The following AHNAK variants were observed in gnomAD, a reference collection of about 807,000 sequenced individuals.
AHNAK encodes the protein AHNAK nucleoprotein.
In AHNAK, 23 loss-of-function variants were observed where a neutral mutation model predicts 37.8. The ratio of observed to expected loss-of-function variants is 0.61; its 90% confidence interval spans 0.44 to 0.86. The LOEUF (loss-of-function observed/expected upper bound fraction) is 0.86. Ranked by LOEUF, AHNAK falls within the 40% of genes least tolerant of loss-of-function variation. AHNAK has a pLI of 0.00. For missense variants in AHNAK, 7,411 were observed against 7,319.4 expected (o/e 1.01, Z -0.46); for synonymous variants, 2,481 against 2,636.3 (o/e 0.94, Z 1.80).
In AHNAK at chr11:62,518,409, G is replaced by A. The variant is rs1940104421; in HGVS notation, c.16008C>T (p.Gly5336=). The A allele has an allele frequency of 1.2e-6, 2 of 1,613,950 alleles. No homozygotes were observed. Among genetic ancestry groups the A allele is most frequent in the African/African-American group, 2.7e-5 (2 of 74,892 alleles). Residue 5336 remains glycine, a synonymous_variant, in exon 5 of 5, where the codon GGC becomes GGT. Coordinates refer to ENST00000378024, the MANE Select transcript of AHNAK (RefSeq NM_001620.3). ...APGLNLSGVG[G]KMQVGGDGVK... ...CACCGTCTCCTCCCACCTGCATTTT[G>A]CCACCGACACCACTGAGGTTGAGCC...
At chr11:62,475,174 G>A (rs1939117624) in intron 5 of AHNAK, among the ~76,000 whole-genome samples, 1 of 152,162 alleles carries the variant, frequency 6.6e-6, no homozygotes, top group Non-Finnish European at 1.5e-5. Flanking sequence ...ATAGTGGCAG[G>A]TGCCTGTAGT....
At chr11:62,534,181 G>C in intron 4 of AHNAK, 107 bp from the exon 5 acceptor site, 1 of 1,266,152 alleles carries the variant, frequency 7.9e-7, no homozygotes, top group Non-Finnish European at 1.1e-6. Flanking sequence ...CAGAGAAGCT[G>C]GGACCAAAAC....
In AHNAK at chr11:62,506,581, CAG is replaced by C. The variant is rs1159284617; in HGVS notation, c.343-14752_343-14751del. On this transcript the variant is annotated intron_variant, in intron 4 of 5. Coordinates refer to the AHNAK transcript ENST00000257247. ...CAGGAGGCTCAGCCCCTCAGGGCCC[CAG>C]CTGGCCAGAGGGTTGTGCCTGGCCT... Among the ~76,000 whole-genome samples, 9 of 152,312 alleles carry C rather than the reference CAG, an allele frequency of 5.9e-5. No individual in the cohort carries two copies. In the East Asian group the frequency reaches 1.7e-3, roughly 29 times the overall value.
chr11:62,528,850 G>C lies in AHNAK; in HGVS notation c.5567C>G (p.Ser1856Cys), dbSNP rs1367860340. The C allele has an allele frequency of 1.2e-6, 2 of 1,613,140 alleles. No homozygotes were observed. Among genetic ancestry groups the C allele is most frequent in the Admixed American group, 3.3e-5 (2 of 59,750 alleles). The change falls in exon 5 of 5, where the codon TCC becomes TGC. Residue 1856 changes from serine (S) to cysteine (C), a missense_variant. Physicochemically the swap from Ser to Cys is moderately radical, Grantham distance 112. Coordinates refer to ENST00000378024, the MANE Select transcript of AHNAK (RefSeq NM_001620.3). ...CAGGTGTAAGTCCACATCAGGCATG[G>C]AGATCTTGGGGGCCTTGAAGTGCAT... ...PEMHFKAPKI[S>C]MPDVDLHLKG...
At chr11:62,510,173 C>T (rs1939883748) in intron 4 of AHNAK, among the ~76,000 whole-genome samples, 1 of 151,680 alleles carries the variant, frequency 6.6e-6, no homozygotes, top group African/African-American at 2.4e-5. Context: ...GATTCTCCTG[C>T]CTCAGCCTCC....
At position 62,478,443 on chromosome 11, in the gene AHNAK, G is replaced by A. The variant is rs192869451; in HGVS notation, c.442+13289C>T. Among the ~76,000 whole-genome samples the A allele has an allele frequency of 4.0e-4, 61 of 152,060 alleles. 1 individual carries two copies. The East Asian group carries it at 0.011, about 28-fold the overall frequency. ...GCCCCTAGCAATGCCTAGAAAACAG[G>A]ACAGGGTGCCGGGTGCCGGTGGCTC... On this transcript the variant is annotated intron_variant, in intron 5 of 5. Coordinates refer to the AHNAK transcript ENST00000257247.
chr11:62,500,535 G>C (rs368897823), intron 4 of AHNAK, among the ~76,000 whole-genome samples: 16 of 152,184 alleles, frequency 1.1e-4, no homozygotes, highest in East Asian at 3.8e-4. Flanking sequence ...GTCCCTCAGA[G>C]AGCCCGATGA....
chr11:62,513,324 CAGG>C (rs1013957356), downstream of AHNAK, among the ~76,000 whole-genome samples: 2 of 152,304 alleles, frequency 1.3e-5, no homozygotes, highest in African/African-American at 4.8e-5. Flanking sequence ...ATCACGAGGT[CAGG>C]AGTTCGAGAC....
At position 62,516,677 on chromosome 11, in the gene AHNAK, A is replaced by G; in HGVS notation, c.*67T>C. The G allele has an allele frequency of 6.6e-7, 1 of 1,520,398 alleles. No individual in the cohort carries two copies. Among genetic ancestry groups the G allele is most frequent in the Non-Finnish European group, 8.8e-7 (1 of 1,139,820 alleles). The allele number at this position is 1,520,398 out of a possible 1,614,324, so 94.2% of individuals were successfully genotyped here. Reference sequence around the variant, plus strand: ...GTGTGTTTCCCTTTGGAGTTTATATAGGAACACACCACCCAAGGCTGATGT... The same window carrying G: ...GTGTGTTTCCCTTTGGAGTTTATATGGGAACACACCACCCAAGGCTGATGT... On this transcript the variant is annotated 3_prime_UTR_variant, in exon 5 of 5. Transcript: ENST00000378024.
chr11:62,437,050 C>T (rs192027729), intron 5 of AHNAK, among the ~76,000 whole-genome samples: 2 of 152,154 alleles, frequency 1.3e-5, no homozygotes, highest in Non-Finnish European at 2.9e-5. Flanking sequence ...CACTCCAGGC[C>T]ACATAAGGAA....
At chr11:62,459,174 A>G (rs1938733612) in intron 5 of AHNAK, among the ~76,000 whole-genome samples, 1 of 152,222 alleles carries the variant, frequency 6.6e-6, no homozygotes, top group South Asian at 2.1e-4. Flanking sequence ...CATACTTGGT[A>G]GTGGAATGCA....
Position 62,520,352 on chromosome 11 carries a change from CCA to C in AHNAK, c.14063_14064del (p.Val4688GlyfsTer3). 1 of 1,613,448 alleles carries C rather than the reference CCA, an allele frequency of 6.2e-7. No homozygotes were observed. The highest frequency in any genetic ancestry group is 8.5e-7 in the Non-Finnish European group (1 of 1,179,924). ...KADIDVSGPK[V>X]DVDVPDVNIE... ...ATATTCACATCAGGAACATCAACGT[CCA>C]CTTTGGGTCCTGAGACATCAATGTC... On this transcript the variant is annotated frameshift_variant, in exon 5 of 5. Transcript: ENST00000378024. LOFTEE classifies it low-confidence loss of function (END_TRUNC).
Position 62,520,641 on chromosome 11 carries a change from C to A in AHNAK, c.13776G>T (p.Lys4592Asn), listed in dbSNP as rs767436797. ...TCAGGTCAACTTCAGGCATAGAGAT[C>A]TTCGGTGCCTTGAGGTGTAAGTCAG... ...KMPDLHLKAP[K>N]ISMPEVDLNL... The change falls in exon 5 of 5, where the codon AAG (lysine) becomes AAT (asparagine). Residue 4592 changes from lysine (K) to asparagine (N), a missense_variant. Transcript: ENST00000378024. 21 of 1,614,032 alleles carry A rather than the reference C, an allele frequency of 1.3e-5. No homozygotes were observed. The Middle Eastern group carries it at 6.6e-4, about 51-fold the overall frequency.
In AHNAK at chr11:62,519,502, A is replaced by G. The variant is rs774951689; in HGVS notation, c.14915T>C (p.Ile4972Thr). The change falls in exon 5 of 5, where the codon ATC becomes ACC. Residue 4972 changes from isoleucine (I) to threonine (T), a missense_variant. Coordinates refer to ENST00000378024, the MANE Select transcript of AHNAK (RefSeq NM_001620.3). ...DINIEGPDVK[I>T]PKFKKPKFGF... The stretch of plus-strand genomic sequence containing the variant: ...AAACTTGGGTTTCTTAAATTTGGGG[A>G]TTTTAACATCTGGCCCTTCGATGTT... The G allele has an allele frequency of 4.3e-6, 7 of 1,613,146 alleles. No homozygotes were observed. The highest frequency in any genetic ancestry group is 4.5e-5 in the East Asian group (2 of 44,878).
rs1940197378 is a variant in AHNAK at position 62,520,505 on chromosome 11, C to T, written c.13912G>A (p.Val4638Ile). The change falls in exon 5 of 5, where the codon GTC becomes ATC. Residue 4638 changes from valine to isoleucine, a missense_variant. Transcript: ENST00000378024. ...GGGCCTTGAACGTCCACATCTGGGACATCAATGTCCACTTTGGGGTCCCTG... is the reference window on the plus strand; with the variant it reads ...GGGCCTTGAACGTCCACATCTGGGATATCAATGTCCACTTTGGGGTCCCTG... ...DIRDPKVDIDVPDVDVQGPDW... is the reference protein window; with the variant it reads ...DIRDPKVDIDIPDVDVQGPDW... The T allele has an allele frequency of 1.2e-6, 2 of 1,613,862 alleles. No individual in the cohort carries two copies. The highest frequency in any genetic ancestry group is 2.2e-5 in the East Asian group (1 of 44,846).
At position 62,523,973 on chromosome 11, in the gene AHNAK, A is replaced by C; in HGVS notation, c.10444T>G (p.Phe3482Val). The change falls in exon 5 of 5, where the codon TTC (phenylalanine) becomes GTC (valine). Residue 3482 changes from phenylalanine (F) to valine (V), a missense_variant. Physicochemically the swap from Phe to Val is conservative, Grantham distance 50. Coordinates refer to ENST00000378024, the MANE Select transcript of AHNAK (RefSeq NM_001620.3). The part of the protein sequence containing the change: ...LKMPKMKMPK[F>V]SVSGLKAEGP... Reference sequence around the variant, plus strand: ...TCTGCTTTTAAGCCAGACACACTGAATTTGGGCATTTTCATCTTGGGCATT... The same window carrying C: ...TCTGCTTTTAAGCCAGACACACTGACTTTGGGCATTTTCATCTTGGGCATT... 1 of 1,613,886 alleles carries C rather than the reference A, an allele frequency of 6.2e-7. No homozygotes were observed. The highest frequency in any genetic ancestry group is 1.1e-5 in the South Asian group (1 of 91,072).
At chr11:62,515,853 T>C (rs1327367420), downstream of AHNAK, 2 of 1,094,190 alleles carry the variant, frequency 1.8e-6, no homozygotes, top group Non-Finnish European at 2.2e-6. Flanking sequence ...GCTGTGCAGC[T>C]TCCCCAGGTT....
intron 5 of AHNAK, among the ~76,000 whole-genome samples, chr11:62,487,110 C>T: frequency 6.6e-6 from 1 of 152,160 alleles, no homozygotes; most frequent in Non-Finnish European, 1.5e-5. Flanking sequence ...TGGTGCGGGA[C>T]GTCTGGTGAC....
intron 5 of AHNAK, among the ~76,000 whole-genome samples, chr11:62,468,177 G>A (rs988373927): frequency 1.3e-5 from 2 of 152,034 alleles, no homozygotes; most frequent in African/African-American, 2.4e-5. Flanking sequence ...GCAAGACTCC[G>A]TCTCTACTAA....
Sources: allele counts gnomAD v4.1 joint callset (sites outside exome capture counted in the v4.1 genomes callset), GRCh38; gene constraint gnomAD v4.1.1; transcripts MANE v1.5; gene names NCBI Gene and HGNC (gene_info 2026-07-23, HGNC 2026-07-21).